USP37: variants seen among roughly 807,000 people sequenced by gnomAD.
USP37 encodes the protein ubiquitin carboxyl-terminal hydrolase 37.
A neutral mutation model predicts 124.0 loss-of-function variants in USP37; 27 were observed. The ratio of observed to expected loss-of-function variants is 0.22; its 90% confidence interval spans 0.16 to 0.30. The LOEUF is 0.30. Ranked by LOEUF, USP37 falls within the 10% of genes least tolerant of loss-of-function variation. The pLI is 1.00. For missense variants in USP37, 889 were observed against 1,140.4 expected (o/e 0.78, Z 3.17); for synonymous variants, 365 against 388.0 (o/e 0.94, Z 0.70).
chr2:218,456,440 C>T (rs141880216), intron 24 of USP37, among the ~76,000 whole-genome samples: 1,891 of 143,600 alleles, frequency 0.013, 41 homozygotes, highest in African/African-American at 0.046. Context: ...AGCCTGGTGA[C>T]AGAGTGAGAC....
At chr2:218,477,138 C>A (rs1691023839) in intron 18 of USP37, among the ~76,000 whole-genome samples, 157 bp from the exon 19 acceptor site, 1 of 152,162 alleles carries the variant, frequency 6.6e-6, no homozygotes, top group Non-Finnish European at 1.5e-5. Flanking sequence ...ATTACCTTTG[C>A]CCCACTCCAA....
chr2:218,471,963 G>A (rs1279442147), intron 20 of USP37, among the ~76,000 whole-genome samples: 1 of 151,564 alleles, frequency 6.6e-6, no homozygotes, highest in Non-Finnish European at 1.5e-5. Flanking sequence ...CTGGGAGGCA[G>A]AGGTTGCAGT....
chr2:218,512,418 G>C (rs1690049840), intron 10 of USP37, among the ~76,000 whole-genome samples: 1 of 152,108 alleles, frequency 6.6e-6, no homozygotes, highest in South Asian at 2.1e-4. Flanking sequence ...TGAGGCAGGA[G>C]AACTGCTTGA....
intron 9 of USP37, among the ~76,000 whole-genome samples, chr2:218,534,015 CTCT>C (rs2106028997): frequency 6.6e-6 from 1 of 152,324 alleles, no homozygotes; most frequent in African/African-American, 2.4e-5. Flanking sequence ...CACTTTACTC[CTCT>C]AATTCATTCT....
chr2:218,529,249 T>A (rs1691164472), intron 10 of USP37, among the ~76,000 whole-genome samples: 2 of 152,182 alleles, frequency 1.3e-5, no homozygotes, highest in African/African-American at 4.8e-5. Flanking sequence ...CTCACGCCTA[T>A]AATCCCAACA....
intron 8 of USP37, among the ~76,000 whole-genome samples, chr2:218,537,405 C>T (rs532460586): frequency 2.6e-5 from 4 of 152,304 alleles, no homozygotes; most frequent in South Asian, 2.1e-4. Context: ...GGCCCAATCA[C>T]GCCCACCACT....
intron 14 of USP37, among the ~76,000 whole-genome samples, chr2:218,488,763 G>A (rs193002024): frequency 2.0e-5 from 3 of 152,180 alleles, no homozygotes; most frequent in Non-Finnish European, 4.4e-5. Flanking sequence ...AGGCTCGCAA[G>A]TAGCTGGGAT....
At chr2:218,457,069 C>G (rs1445800501) in intron 24 of USP37, 23 bp downstream of exon 24, 2 of 1,610,290 alleles carry the variant, frequency 1.2e-6, no homozygotes, top group African/African-American at 2.7e-5. Context: ...TTATAAAATG[C>G]TGAAATCATG....
chr2:218,545,970 CCACT>C (rs1266124706), intron 8 of USP37, among the ~76,000 whole-genome samples: 2 of 152,074 alleles, frequency 1.3e-5, no homozygotes, highest in African/African-American at 4.8e-5. Context: ...TTCTATTCTC[CCACT>C]AAGTACTGCA....
chr2:218,492,077 T>C (rs1301900646), intron 14 of USP37, among the ~76,000 whole-genome samples: 1 of 152,138 alleles, frequency 6.6e-6, no homozygotes, highest in Non-Finnish European at 1.5e-5. Context: ...GGTGTGCACC[T>C]GTAGTCCCAG....
intron 14 of USP37, among the ~76,000 whole-genome samples, chr2:218,493,952 C>T (rs1020070585): frequency 2.0e-5 from 3 of 152,206 alleles, no homozygotes; most frequent in Admixed American, 6.5e-5. Flanking sequence ...AAAACTTTGC[C>T]TCTCACTTTG....
chr2:218,542,101 T>G (rs1218228934), intron 8 of USP37, among the ~76,000 whole-genome samples: 1 of 152,200 alleles, frequency 6.6e-6, no homozygotes, highest in East Asian at 1.9e-4. Context: ...ACGAAGCCTA[T>G]TCTCTGTGGT....
chr2:218,460,774 C>G (rs1365694397), intron 22 of USP37, among the ~76,000 whole-genome samples: 1 of 151,958 alleles, frequency 6.6e-6, no homozygotes, highest in Non-Finnish European at 1.5e-5. Context: ...AACTCCTTCT[C>G]TACTAAAAAT....
intron 11 of USP37, among the ~76,000 whole-genome samples, chr2:218,504,971 C>G (rs1689602734): frequency 1.3e-5 from 2 of 152,246 alleles, no homozygotes; most frequent in South Asian, 4.1e-4. Flanking sequence ...TTCCTTCTCT[C>G]TCTTCACCCA....
Position 218,474,896 on chromosome 2 carries a change from G to C in USP37, c.2044-11C>G. On this transcript the variant is annotated splice_polypyrimidine_tract_variant and intron_variant, in intron 19 of 25. Transcript: ENST00000258399. Reference sequence around the variant, plus strand: ...GCATAATTTTGAATCCTGAAGAAGAGAGTTACTTTTAGAAGAAACCAGAAT... The same window carrying C: ...GCATAATTTTGAATCCTGAAGAAGACAGTTACTTTTAGAAGAAACCAGAAT... 6.2e-7 allele frequency: 1 copy of C among 1,601,398 alleles called. No homozygotes were observed. The highest frequency in any genetic ancestry group is 1.3e-5 in the African/African-American group (1 of 74,308).
At chr2:218,497,392 T>C (rs983933818) in intron 13 of USP37, among the ~76,000 whole-genome samples, 1 of 151,562 alleles carries the variant, frequency 6.6e-6, no homozygotes, top group African/African-American at 2.4e-5. Context: ...TTTTTATAAA[T>C]ATTTATTTAT....
At chr2:218,477,506 T>TA (rs1242751202) in intron 18 of USP37, among the ~76,000 whole-genome samples, 1 of 152,188 alleles carries the variant, frequency 6.6e-6, no homozygotes, top group Non-Finnish European at 1.5e-5. Flanking sequence ...AAAGCCCATG[T>TA]ACTTAGAGGG....
At chr2:218,495,454 T>C (rs1374365066) in intron 14 of USP37, among the ~76,000 whole-genome samples, 1 of 152,190 alleles carries the variant, frequency 6.6e-6, no homozygotes, top group Non-Finnish European at 1.5e-5. Context: ...AGCATTTCTA[T>C]AGAAAAAGAC....
chr2:218,521,012 T>C (rs1301654134), intron 10 of USP37, among the ~76,000 whole-genome samples: 1 of 152,148 alleles, frequency 6.6e-6, no homozygotes, highest in Non-Finnish European at 1.5e-5. Context: ...GTTCTCCTGA[T>C]AGAGTCCTCA....
Sources: allele counts gnomAD v4.1 joint callset (sites outside exome capture counted in the v4.1 genomes callset), GRCh38; gene constraint gnomAD v4.1.1; transcripts MANE v1.5; gene names NCBI Gene and HGNC (gene_info 2026-07-23, HGNC 2026-07-21).